The following UGT1A10 variants were observed in gnomAD, a reference collection of about 807,000 sequenced individuals.
The protein encoded by UGT1A10 is UDP glucuronosyltransferase family 1 member A10, also known as UDP-glucuronosyltransferase 1A10.
In UGT1A10, 49 loss-of-function variants were observed where a neutral mutation model predicts 45.8. The ratio of observed to expected loss-of-function variants is 1.07; its 90% confidence interval spans 0.85 to 1.36. The LOEUF is 1.36. UGT1A10 is among the 40% of genes most tolerant of loss of function. UGT1A10 has a pLI of 0.00. For missense variants in UGT1A10, 745 were observed against 668.6 expected, an observed-to-expected ratio of 1.11 and a Z score of -1.26; for synonymous variants, 284 against 249.7, an observed-to-expected ratio of 1.14 and a Z score of -1.29.
chr2:233,755,300 G>C (rs149465290), intron 1 of UGT1A10: 2 of 608,528 alleles, frequency 3.3e-6, no homozygotes, highest in African/African-American at 3.8e-5. Flanking sequence ...GCGGGGCACT[G>C]GCACAGCGAG....
intron 1 of UGT1A10, chr2:233,717,746 TC>T: frequency 2.2e-6 from 1 of 456,424 alleles, no homozygotes; most frequent in South Asian, 1.5e-5. Flanking sequence ...GCTCAGGGTC[TC>T]CCCCTAGAAA....
intron 1 of UGT1A10, chr2:233,718,623 G>A (rs1281711935): frequency 9.0e-6 from 8 of 892,530 alleles, no homozygotes; most frequent in Non-Finnish European, 1.1e-5. Context: ...AGGCGTGATT[G>A]GTCTTTCCCA....
intron 1 of UGT1A10, among the ~76,000 whole-genome samples, chr2:233,766,590 C>T (rs1008625240): frequency 6.6e-6 from 1 of 152,194 alleles, no homozygotes; most frequent in Admixed American, 6.5e-5. Context: ...GTGGAGCCCT[C>T]GCCAGGGACC....
chr2:233,761,191 T>G, intron 1 of UGT1A10: 1 of 1,614,162 alleles, frequency 6.2e-7, no homozygotes, highest in Non-Finnish European at 8.5e-7. Context: ...GTATATTCTT[T>G]CAGATGTATT....
chr2:233,680,966 G>C (rs1048785834), intron 1 of UGT1A10, among the ~76,000 whole-genome samples: 1 of 151,944 alleles, frequency 6.6e-6, no homozygotes, highest in African/African-American at 2.4e-5. Flanking sequence ...TTTCTGGAAG[G>C]GTCCATGGAG....
rs780825518 is a variant in UGT1A10 at position 233,682,195 on chromosome 2, G to C, written c.855+44818G>C. 4 of 1,614,214 alleles carry C rather than the reference G, an allele frequency of 2.5e-6. No homozygotes were observed. In the South Asian group the frequency reaches 3.3e-5, roughly 13 times the overall value. On this transcript the variant is annotated intron_variant, in intron 1 of 4. Transcript: ENST00000344644. ...CAACCTCATACACTCTGGAGGATCA[G>C]GACCGGGAGTTCATGGTTTTTGCCG...
chr2:233,659,145 A>G (rs1183399984), intron 1 of UGT1A10, among the ~76,000 whole-genome samples: 1 of 152,152 alleles, frequency 6.6e-6, no homozygotes, highest in Non-Finnish European at 1.5e-5. Flanking sequence ...CTTTGATCAG[A>G]TTTATCCCTA....
intron 1 of UGT1A10, chr2:233,713,347 A>G (rs749851918): frequency 1.2e-6 from 2 of 1,614,196 alleles, no homozygotes; most frequent in East Asian, 2.2e-5. Context: ...ATTATGAACA[A>G]TATGTCTTTG....
rs760077462 is a variant in UGT1A10, at chr2:233,725,078, TC to T, written c.856-41955del. Among the ~76,000 whole-genome samples, 17 of 144,282 alleles carry T rather than the reference TC, an allele frequency of 1.2e-4. 2 individuals carry two copies. Among genetic ancestry groups the T allele is most frequent in the Non-Finnish European group, 2.4e-4 (16 of 65,662 alleles). The allele number at this position is 144,282 out of a possible 152,430, so 94.7% of individuals were successfully genotyped here. On this transcript the variant is annotated intron_variant, in intron 1 of 4. Coordinates refer to ENST00000344644, the MANE Select transcript of UGT1A10 (RefSeq NM_019075.4). ...GGCGCGCGCCTGCAATCGCAGGCAC[TC>T]GGCAGGCTGAGGCAGGAGAATCAGG...
intron 1 of UGT1A10, among the ~76,000 whole-genome samples, chr2:233,675,477 C>A (rs182686828): frequency 6.6e-6 from 1 of 152,068 alleles, no homozygotes; most frequent in African/African-American, 2.4e-5. Context: ...ATGGCAGGTG[C>A]GGCTCTGGGG....
chr2:233,680,631 A>T (rs750605409), intron 1 of UGT1A10, among the ~76,000 whole-genome samples: 3 of 152,164 alleles, frequency 2.0e-5, no homozygotes, highest in African/African-American at 4.8e-5. Flanking sequence ...ATGCAATGAG[A>T]ATTCCCATGG....
intron 1 of UGT1A10, among the ~76,000 whole-genome samples, chr2:233,707,717 A>G (rs1575486926): frequency 6.6e-6 from 1 of 152,192 alleles, no homozygotes; most frequent in Non-Finnish European, 1.5e-5. Context: ...ACTACTGTGA[A>G]CAATGTTACA....
chr2:233,731,513 C>G (rs972587345), intron 1 of UGT1A10, among the ~76,000 whole-genome samples: 4 of 152,148 alleles, frequency 2.6e-5, no homozygotes, highest in Admixed American at 1.3e-4. Context: ...CAGTTCCCAC[C>G]TATGAGTGAG....
At chr2:233,748,095 T>G (rs1186199054) in intron 1 of UGT1A10, 80 of 1,612,722 alleles carry the variant, frequency 5.0e-5, no homozygotes, top group Non-Finnish European at 6.3e-5. Context: ...TGTTCGTGCC[T>G]TCATCCAATC....
At chr2:233,671,848 G>A (rs17868322) in intron 1 of UGT1A10, 44,793 of 1,497,566 alleles carry the variant, frequency 0.03, 775 homozygotes, top group Non-Finnish European at 0.034. Context: ...CCTCTATTGG[G>A]GTCAGGTTTT....
At position 233,681,857 on chromosome 2, in the gene UGT1A10, A is replaced by G. The variant is rs189655605; in HGVS notation, c.855+44480A>G. The G allele has an allele frequency of 2.2e-3, 3,379 of 1,522,408 alleles. 4 individuals are homozygous for G. Among genetic ancestry groups the G allele is most frequent in the Non-Finnish European group, 2.7e-3 (3,111 of 1,137,804 alleles). 94.3% of individuals were successfully genotyped at this position (1,522,408 alleles called of 1,614,324 possible). A position where few individuals can be genotyped will look rare whatever the true frequency, so the allele number is the denominator to read the frequency against. On this transcript the variant is annotated intron_variant, in intron 1 of 4. Transcript: ENST00000344644. ...TAAGTACACGCCTTCTTTTGAGGGC[A>G]GGTTCTATCTGTACTTCTTCCACTT...
chr2:233,728,992 A>G (rs990793859), intron 1 of UGT1A10: 2 of 1,544,002 alleles, frequency 1.3e-6, no homozygotes, highest in Admixed American at 1.9e-5. Flanking sequence ...ATAATTAACT[A>G]GAGGAGGGCA....
At chr2:233,735,490 G>T (rs1335131931) in intron 1 of UGT1A10, among the ~76,000 whole-genome samples, 1 of 152,096 alleles carries the variant, frequency 6.6e-6, no homozygotes, top group Non-Finnish European at 1.5e-5. Context: ...TTTTTTAATT[G>T]CAGCATTTAG....
intron 1 of UGT1A10, among the ~76,000 whole-genome samples, chr2:233,695,128 T>C (rs2075262409): frequency 9.2e-6 from 1 of 109,188 alleles, no homozygotes; most frequent in African/African-American, 4.0e-5. Context: ...CCCTTTTCTT[T>C]TCTTTTTTTT....
Sources: allele counts gnomAD v4.1 joint callset (sites outside exome capture counted in the v4.1 genomes callset), GRCh38; gene constraint gnomAD v4.1.1; transcripts MANE v1.5; gene names NCBI Gene and HGNC (gene_info 2026-07-23, HGNC 2026-07-21).